Variants in GRIA4 observed in about 807,000 individuals in gnomAD.
The protein encoded by GRIA4 is glutamate receptor 4.
GRIA4 carries 34 observed loss-of-function variants against 104.0 expected under a neutral mutation model. That is an observed-to-expected ratio of 0.33 (90% confidence interval 0.25 to 0.44). The LOEUF (loss-of-function observed/expected upper bound fraction) is 0.44. Ranked by LOEUF, GRIA4 falls within the 20% of genes least tolerant of loss-of-function variation. GRIA4 has a pLI of 1.00. For missense variants in GRIA4, 750 were observed against 1,096.5 expected (o/e 0.68, Z 4.46); for synonymous variants, 386 against 381.9 (o/e 1.01, Z -0.13).
At chr11:105,791,134 T>C (rs541054737) in intron 4 of GRIA4, among the ~76,000 whole-genome samples, 11 of 152,248 alleles carry the variant, frequency 7.2e-5, no homozygotes, top group African/African-American at 2.6e-4. Context: ...TTTTGCTTTT[T>C]TCCCCCTAAA....
chr11:105,834,349 C>T (rs1944095715), intron 4 of GRIA4, among the ~76,000 whole-genome samples: 1 of 152,030 alleles, frequency 6.6e-6, no homozygotes. Flanking sequence ...CATTTAAGGA[C>T]ATATAGGACT....
At chr11:105,912,546 TTATATA>T in intron 10 of GRIA4, 1 of 246,032 alleles carries the variant, frequency 4.1e-6, no homozygotes, top group Non-Finnish European at 6.3e-6. Context: ...ATATATATAT[TTATATA>T]TATATATAAA....
At chr11:105,926,379 T>C (rs1479350221) in intron 12 of GRIA4, among the ~76,000 whole-genome samples, 4 of 152,152 alleles carry the variant, frequency 2.6e-5, no homozygotes, top group East Asian at 1.9e-4. Flanking sequence ...TCATCAACCA[T>C]AGGCTGCATC....
chr11:105,882,830 A>G (rs1361405679), intron 5 of GRIA4, among the ~76,000 whole-genome samples: 1 of 152,202 alleles, frequency 6.6e-6, no homozygotes, highest in Non-Finnish European at 1.5e-5. Flanking sequence ...AATTGAACTG[A>G]AAAGTGAAGT....
At chr11:105,756,819 C>T (rs1019329857) in intron 4 of GRIA4, among the ~76,000 whole-genome samples, 2 of 151,886 alleles carry the variant, frequency 1.3e-5, no homozygotes, top group African/African-American at 4.8e-5. Context: ...AATATATTTG[C>T]TTACAAACTC....
chr11:105,794,247 C>T (rs1046894905), intron 4 of GRIA4, among the ~76,000 whole-genome samples: 1 of 150,452 alleles, frequency 6.6e-6, no homozygotes, highest in Non-Finnish European at 1.5e-5. Context: ...TAGAAGAAGA[C>T]AAAGCAAAAA....
intron 16 of GRIA4, 27 bp downstream of exon 16, chr11:105,974,471 C>G: frequency 6.2e-7 from 1 of 1,613,818 alleles, no homozygotes; most frequent in Non-Finnish European, 8.5e-7. Context: ...AGACTTTTAA[C>G]CCAACTTCCT....
chr11:105,927,810 A>G (rs1008434463), intron 13 of GRIA4, among the ~76,000 whole-genome samples: 2 of 152,006 alleles, frequency 1.3e-5, no homozygotes, highest in Non-Finnish European at 2.9e-5. Context: ...CCAAAAATTA[A>G]AAAGTTCGCC....
At chr11:105,707,998 T>A (rs1953769280) in intron 3 of GRIA4, 1 of 152,134 alleles carries the variant, frequency 6.6e-6, no homozygotes. Context: ...AAAGTGTCTG[T>A]CACAAATAGT....
intron 14 of GRIA4, among the ~76,000 whole-genome samples, chr11:105,948,589 C>CTTTTTTTTTTTTTTTTTTTTT (rs1383366276): frequency 4.5e-5 from 5 of 111,210 alleles, no homozygotes; most frequent in African/African-American, 1.0e-4. Flanking sequence ...CTTTTCTTTT[C>CTTTTTTTTTTTTTTTTTTTTT]TTTTTGTTTT....
chr11:105,696,064 C>A (rs1267204513), intron 3 of GRIA4, among the ~76,000 whole-genome samples: 1 of 152,192 alleles, frequency 6.6e-6, no homozygotes, highest in East Asian at 1.9e-4. Context: ...AGGCATCAAC[C>A]TCTCTTTTAT....
At chr11:105,902,484 C>T (rs1331194528) in intron 7 of GRIA4, among the ~76,000 whole-genome samples, 2 of 152,028 alleles carry the variant, frequency 1.3e-5, no homozygotes, top group African/African-American at 2.4e-5. Flanking sequence ...TAGGTGCACA[C>T]AACCACGCCT....
chr11:105,886,830 T>A (rs1384348747), intron 5 of GRIA4, among the ~76,000 whole-genome samples: 2 of 151,940 alleles, frequency 1.3e-5, no homozygotes, highest in Admixed American at 1.3e-4. Flanking sequence ...AATTGAACTT[T>A]GAAAAGATCT....
chr11:105,848,897 C>T (rs1387446518), intron 4 of GRIA4, among the ~76,000 whole-genome samples: 10 of 152,070 alleles, frequency 6.6e-5, no homozygotes, highest in Non-Finnish European at 2.9e-5. Flanking sequence ...GATTCAGTCA[C>T]CCCCACGTCG....
chr11:105,920,265 G>A (rs1042857279), intron 11 of GRIA4, among the ~76,000 whole-genome samples: 1 of 152,054 alleles, frequency 6.6e-6, no homozygotes, highest in Non-Finnish European at 1.5e-5. Flanking sequence ...AGAGTTCATC[G>A]ACTGTTTCAT....
At chr11:105,895,083 G>A (rs1458032378) in intron 6 of GRIA4, among the ~76,000 whole-genome samples, 5 of 102,902 alleles carry the variant, frequency 4.9e-5, no homozygotes, top group Non-Finnish European at 1.1e-4. Context: ...ACAGGCGTGA[G>A]CCACCGCGCC....
intron 6 of GRIA4, among the ~76,000 whole-genome samples, chr11:105,897,142 T>C (rs985580094): frequency 1.3e-5 from 2 of 152,140 alleles, no homozygotes; most frequent in African/African-American, 4.8e-5. Flanking sequence ...GTTAAATGCA[T>C]TCCTGGATAT....
At position 105,953,821 on chromosome 11, in the gene GRIA4, A is replaced by G. The variant is rs973385909; in HGVS notation, c.2295-18093A>G. Among the ~76,000 whole-genome samples, 34 of 152,340 alleles carry G rather than the reference A, an allele frequency of 2.2e-4. 1 individual carries two copies. The highest frequency in any genetic ancestry group is 6.8e-3 in the Middle Eastern group (2 of 294). On this transcript the variant is annotated intron_variant, in intron 14 of 16. Transcript: ENST00000282499. ...TTAACTCCTACAAACAAATAAAAAA[A>G]AAAGACTTTTTCTTAGGGTCTCTAA...
chr11:105,910,557 T>C lies in GRIA4; in HGVS notation c.1269+12T>C. 7.5e-7 allele frequency: 1 copy of C among 1,334,824 alleles called. No individual in the cohort carries two copies. 82.7% of individuals were successfully genotyped at this position (1,334,824 alleles called of 1,614,324 possible). The stretch of plus-strand genomic sequence containing the variant: ...TAACCACAATTATGGTAAGTGTTGG[T>C]CTATGCTTTATGGTGTTCCGTTTTG... On this transcript the variant is annotated intron_variant, in intron 10 of 16. Transcript: ENST00000282499.
Sources: gnomAD v4.1 joint callset for allele counts (sites outside exome capture counted in the v4.1 genomes callset) on GRCh38, gnomAD v4.1.1 for gene constraint, MANE v1.5 for transcripts, NCBI Gene and HGNC (gene_info 2026-07-23, HGNC 2026-07-21) for gene names.